ZNF407: variants seen among roughly 807,000 people sequenced by gnomAD.
ZNF407 encodes zinc finger protein 407.
ZNF407 carries 17 observed loss-of-function variants against 131.2 expected under a neutral mutation model. That is an observed-to-expected ratio of 0.13 (90% CI 0.09 to 0.19). The LOEUF (loss-of-function observed/expected upper bound fraction) is 0.19, where lower values mean the gene tolerates loss of function less well. Ranked by LOEUF, ZNF407 falls within the 10% of genes least tolerant of loss-of-function variation. The probability of loss-of-function intolerance (pLI) is 1.00; values close to 1 mark genes in which losing one functional copy is unlikely to be tolerated. For synonymous variants in ZNF407, 1,156 were observed against 1,062.0 expected (o/e 1.09, Z -1.72); for missense variants, 2,681 against 2,830.6 (o/e 0.95, Z 1.20).
intron 3 of ZNF407, among the ~76,000 whole-genome samples, chr18:74,769,639 C>T (rs369545615): frequency 2.0e-5 from 3 of 152,264 alleles, no homozygotes; most frequent in Non-Finnish European, 2.9e-5. Flanking sequence ...GATCTCATTT[C>T]GTCTCACATG....
At chr18:74,749,237 C>T (rs771570200) in intron 3 of ZNF407, among the ~76,000 whole-genome samples, 11 of 152,122 alleles carry the variant, frequency 7.2e-5, no homozygotes, top group Non-Finnish European at 1.5e-4. Context: ...ATGAGAGCAT[C>T]GCGTGTACAG....
Position 74,634,092 on chromosome 18 carries a change from A to G in ZNF407, c.3073A>G (p.Ser1025Gly), listed in dbSNP as rs1984299448. The G allele has an allele frequency of 6.2e-7, 1 of 1,614,076 alleles. No individual in the cohort carries two copies. The highest frequency in any genetic ancestry group is 1.1e-5 in the South Asian group (1 of 91,080). ...GAATAAGTGTTTGCACTGTGAGTTT[A>G]GTGCTCACTCCTCTGCTTCTCTAGA... ...GENKCLHCEF[S>G]AHSSASLELH... Residue 1025 changes from serine (S) to glycine (G), a missense_variant, in exon 2 of 9, where the codon AGT becomes GGT. Ser to Gly is a moderately conservative substitution (Grantham distance 56, BLOSUM62 0). Coordinates refer to ENST00000299687, the MANE Select transcript of ZNF407 (RefSeq NM_017757.3).
intron 8 of ZNF407, among the ~76,000 whole-genome samples, chr18:75,059,055 G>A (rs1973594735): frequency 6.6e-6 from 1 of 152,190 alleles, no homozygotes; most frequent in African/African-American, 2.4e-5. Flanking sequence ...CTGGGCCTGT[G>A]CGTGTGCGGA....
In ZNF407 at chr18:74,994,850, C is replaced by T. The variant is rs139086251; in HGVS notation, c.5429-68300C>T. On this transcript the variant is annotated intron_variant, in intron 8 of 8. Coordinates refer to ENST00000299687, the MANE Select transcript of ZNF407 (RefSeq NM_017757.3). ...AGAATTCTGGGAGTGACTTTGAAGA[C>T]AGAGTTGAGATTTTTTTCTACAATT... Among the ~76,000 whole-genome samples the T allele has an allele frequency of 2.8e-3, 428 of 152,234 alleles. 2 individuals are homozygous for T. The highest frequency in any genetic ancestry group is 9.4e-3 in the African/African-American group (392 of 41,522).
chr18:74,830,376 C>A (rs1261805323), intron 4 of ZNF407, among the ~76,000 whole-genome samples: 1 of 152,076 alleles, frequency 6.6e-6, no homozygotes, highest in African/African-American at 2.4e-5. Context: ...TTGACCTCCC[C>A]GACTCAAGTG....
chr18:74,850,102 G>A (rs1970760210), intron 4 of ZNF407, among the ~76,000 whole-genome samples: 1 of 152,136 alleles, frequency 6.6e-6, no homozygotes, highest in Non-Finnish European at 1.5e-5. Context: ...TTTGTTGGAA[G>A]TTAAAGGGTT....
chr18:74,868,611 C>T (rs769187223), intron 4 of ZNF407, among the ~76,000 whole-genome samples: 2 of 152,202 alleles, frequency 1.3e-5, no homozygotes, highest in South Asian at 2.1e-4. Context: ...CCACAACCCC[C>T]GTCAGCATGG....
chr18:74,635,766 G>C lies in ZNF407; in HGVS notation c.4687+60G>C. 3.9e-6 allele frequency: 6 copies of C among 1,520,674 alleles called. No homozygotes were observed. In the South Asian group the frequency reaches 8.0e-5, roughly 20 times the overall value. 94.2% of individuals were successfully genotyped at this position (1,520,674 alleles called of 1,614,324 possible). ...ACATGGGGCCATTTGTTCCCATCCAGATATGCAGCCCTACCTGTGGCTGCT... is the reference window on the plus strand; with the variant it reads ...ACATGGGGCCATTTGTTCCCATCCACATATGCAGCCCTACCTGTGGCTGCT... On this transcript the variant is annotated intron_variant, in intron 2 of 8. Transcript: ENST00000299687. The surrounding 1 kb of genome is among the most constrained non-coding windows in gnomAD (Gnocchi z 4.7).
rs397943457 is a variant in ZNF407, at chr18:74,779,109, A to ATATATTTTTTTTTT, written c.4803-2318_4803-2317insATATTTTTTTTTTT. On this transcript the variant is annotated intron_variant, in intron 3 of 8. Coordinates refer to ENST00000299687, the MANE Select transcript of ZNF407 (RefSeq NM_017757.3). The stretch of plus-strand genomic sequence containing the variant: ...TTGGCATATATATATATATATATAT[A>ATATATTTTTTTTTT]TTTTTTTTTTTTTTTTTTTTTTTTG... 1.1e-3 allele frequency among the ~76,000 whole-genome samples: 28 copies of ATATATTTTTTTTTT among 24,376 alleles called. 1 individual carries two copies. The highest frequency in any genetic ancestry group is 2.0e-3 in the South Asian group (1 of 502). 16.0% of individuals were successfully genotyped at this position (24,376 alleles called of 152,430 possible).
chr18:75,002,851 C>T lies in ZNF407; in HGVS notation c.5429-60299C>T, dbSNP rs1972864464. Among the ~76,000 whole-genome samples, 3 of 150,680 alleles carry T rather than the reference C, an allele frequency of 2.0e-5. No individual in the cohort carries two copies. The South Asian group carries it at 6.3e-4, about 32-fold the overall frequency. On this transcript the variant is annotated intron_variant, in intron 8 of 8. Coordinates refer to ENST00000299687, the MANE Select transcript of ZNF407 (RefSeq NM_017757.3). ...TCAGGAATTCAGCCCACCTACCTCACAGGCTATGGTGTTTACTAAATGGAA... is the reference window on the plus strand; with the variant it reads ...TCAGGAATTCAGCCCACCTACCTCATAGGCTATGGTGTTTACTAAATGGAA...
In ZNF407 at chr18:74,645,292, G is replaced by A. The variant is rs187504496; in HGVS notation, c.4802+4170G>A. On this transcript the variant is annotated intron_variant, in intron 3 of 8. Coordinates refer to ENST00000299687, the MANE Select transcript of ZNF407 (RefSeq NM_017757.3). The stretch of plus-strand genomic sequence containing the variant: ...TGTTAGTTTTTTTTAAAGAGTTGTA[G>A]AAAACTAATAATTGGCCTGTGATTT... Among the ~76,000 whole-genome samples, 7 of 152,112 alleles carry A rather than the reference G, an allele frequency of 4.6e-5. No individual in the cohort carries two copies. The South Asian group carries it at 6.2e-4, about 14-fold the overall frequency.
In ZNF407 at chr18:74,642,329, A is replaced by G. The variant is rs1984761617; in HGVS notation, c.4802+1207A>G. ...TTTTAGCTGCAAGGGTCAGGTGTCA[A>G]ATGGTTCATTTTAATTGCTGCAGGT... On this transcript the variant is annotated intron_variant, in intron 3 of 8. Transcript: ENST00000299687. Among the ~76,000 whole-genome samples, 7 of 152,246 alleles carry G rather than the reference A, an allele frequency of 4.6e-5. No individual in the cohort carries two copies. In the South Asian group the frequency reaches 1.2e-3, roughly 27 times the overall value.
At chr18:74,972,007 C>T (rs1972478091) in intron 8 of ZNF407, among the ~76,000 whole-genome samples, 1 of 152,154 alleles carries the variant, frequency 6.6e-6, no homozygotes, top group Non-Finnish European at 1.5e-5. Flanking sequence ...GTGGAAACTC[C>T]TGATAAACCC....
chr18:74,834,102 A>T (rs1462259757), intron 4 of ZNF407, among the ~76,000 whole-genome samples: 1 of 152,240 alleles, frequency 6.6e-6, no homozygotes, highest in Non-Finnish European at 1.5e-5. Context: ...TTTGCTGTAT[A>T]TACTTTTCTC....
intron 7 of ZNF407, among the ~76,000 whole-genome samples, chr18:74,910,856 T>C (rs1971660501): frequency 1.3e-5 from 2 of 152,014 alleles, no homozygotes; most frequent in African/African-American, 4.8e-5. Context: ...TGGGCTTTCC[T>C]GTGACACAGC....
At chr18:74,690,451 G>A (rs199512109) in intron 3 of ZNF407, among the ~76,000 whole-genome samples, 153 of 150,290 alleles carry the variant, frequency 1.0e-3, no homozygotes, top group African/African-American at 3.4e-3. Context: ...TTTTTTTGGG[G>A]GTTTTTTTTG....
intron 8 of ZNF407, among the ~76,000 whole-genome samples, chr18:74,970,545 G>C (rs1972460623): frequency 6.6e-6 from 1 of 152,180 alleles, no homozygotes; most frequent in Non-Finnish European, 1.5e-5. Flanking sequence ...TCAAAATCCA[G>C]TAGCCAAGTT....
intron 3 of ZNF407, among the ~76,000 whole-genome samples, chr18:74,778,648 A>C (rs1969525671): frequency 6.6e-6 from 1 of 152,174 alleles, no homozygotes; most frequent in African/African-American, 2.4e-5. Flanking sequence ...TGCATGTGTG[A>C]ATGACTAGCA....
At chr18:74,692,344 G>A (rs1301702539) in intron 3 of ZNF407, among the ~76,000 whole-genome samples, 3 of 152,054 alleles carry the variant, frequency 2.0e-5, no homozygotes, top group Non-Finnish European at 4.4e-5. Flanking sequence ...AGGAGCTGGT[G>A]TTCCAGCTGT....
Sources: gnomAD v4.1 joint callset for allele counts (sites outside exome capture counted in the v4.1 genomes callset) on GRCh38, gnomAD v4.1.1 for gene constraint, Gnocchi (gnomAD v3.1) non-coding constraint, MANE v1.5 for transcripts, NCBI Gene and HGNC (gene_info 2026-07-23, HGNC 2026-07-21) for gene names.